The following TAFA2 variants were observed in gnomAD, a reference collection of about 807,000 sequenced individuals.
TAFA2 encodes the protein TAFA chemokine like family member 2.
TAFA2 carries 7 observed loss-of-function variants against 18.8 expected under a neutral mutation model. That is an observed-to-expected ratio of 0.37 (90% CI 0.21 to 0.70). The LOEUF is 0.70. Ranked by LOEUF, TAFA2 falls within the 30% of genes least tolerant of loss-of-function variation. TAFA2 has a pLI of 0.53. For missense variants in TAFA2, 122 were observed against 158.1 expected (o/e 0.77, Z 1.23); for synonymous variants, 60 against 54.2 (o/e 1.11, Z -0.47).
At chr12:62,023,481 G>C (rs1272521976) in intron 1 of TAFA2, among the ~76,000 whole-genome samples, 3 of 151,772 alleles carry the variant, frequency 2.0e-5, no homozygotes, top group African/African-American at 7.3e-5. Flanking sequence ...TGGAAAATTA[G>C]ATAAAATCAG....
At chr12:61,961,222 AG>A (rs138568164) in intron 1 of TAFA2, among the ~76,000 whole-genome samples, 10,342 of 151,964 alleles carry the variant, frequency 0.068, 462 homozygotes, top group Non-Finnish European at 0.1. Context: ...GAAGAACACA[AG>A]GGGGGAAATC....
At chr12:62,070,050 C>T (rs908624409) in intron 1 of TAFA2, among the ~76,000 whole-genome samples, 3 of 152,116 alleles carry the variant, frequency 2.0e-5, no homozygotes, top group African/African-American at 7.2e-5. Flanking sequence ...GACCAGCTCT[C>T]AGCAAGAAAC....
At chr12:62,017,582 G>A (rs2136723398) in intron 1 of TAFA2, among the ~76,000 whole-genome samples, 1 of 152,208 alleles carries the variant, frequency 6.6e-6, no homozygotes, top group South Asian at 2.1e-4. Context: ...GCCACGTGGT[G>A]AAATATTTTT....
chr12:61,748,621 C>T (rs1417704833), intron 4 of TAFA2, among the ~76,000 whole-genome samples: 1 of 152,106 alleles, frequency 6.6e-6, no homozygotes, highest in African/African-American at 2.4e-5. Flanking sequence ...AGCAGAGTCA[C>T]TGAGATTTGG....
At chr12:61,731,943 G>A (rs1870470225) in intron 4 of TAFA2, among the ~76,000 whole-genome samples, 1 of 152,074 alleles carries the variant, frequency 6.6e-6, no homozygotes, top group Non-Finnish European at 1.5e-5. Context: ...TCCTAGGTGT[G>A]AAGAAAAAGA....
chr12:61,926,980 C>T (rs1170113224), intron 1 of TAFA2, among the ~76,000 whole-genome samples: 1 of 145,558 alleles, frequency 6.9e-6, no homozygotes, highest in Non-Finnish European at 1.5e-5. Flanking sequence ...GAGGCTGAGG[C>T]AGGAGAATTG....
chr12:61,885,157 A>G (rs1875319388), intron 1 of TAFA2, among the ~76,000 whole-genome samples: 1 of 152,204 alleles, frequency 6.6e-6, no homozygotes, highest in African/African-American at 2.4e-5. Flanking sequence ...GGATGAAGTG[A>G]CTTGCTCAGT....
At position 61,762,845 on chromosome 12, in the gene TAFA2, T is replaced by C. The variant is rs117923332; in HGVS notation, c.107-7821A>G. 4.3e-3 allele frequency among the ~76,000 whole-genome samples: 660 copies of C among 152,168 alleles called. 4 individuals are homozygous for C. The highest frequency in any genetic ancestry group is 7.8e-3 in the Non-Finnish European group (531 of 67,984). ...TTATGAAATTTTGTTTGTCTCTATA[T>C]ACTCCTATTTAATAGTTTACCCAGC... On this transcript the variant is annotated intron_variant, in intron 2 of 4. Coordinates refer to ENST00000416284, the MANE Select transcript of TAFA2 (RefSeq NM_178539.5).
intron 1 of TAFA2, among the ~76,000 whole-genome samples, chr12:62,213,959 G>A (rs916036525): frequency 6.6e-6 from 1 of 152,146 alleles, no homozygotes; most frequent in Non-Finnish European, 1.5e-5. Context: ...TAAACACAGA[G>A]ATATCGAATC....
chr12:61,900,766 T>C lies in TAFA2; in HGVS notation c.-1-33340A>G, dbSNP rs561924138. 5.3e-5 allele frequency among the ~76,000 whole-genome samples: 8 copies of C among 152,266 alleles called. No individual in the cohort carries two copies. In the South Asian group the frequency reaches 1.7e-3, roughly 32 times the overall value. ...TGGGTGGGGATATAGCCAAACCATA[T>C]CAAGTGGGTATAAAATGATATCCAT... On this transcript the variant is annotated intron_variant, in intron 1 of 4. Coordinates refer to ENST00000416284, the MANE Select transcript of TAFA2 (RefSeq NM_178539.5).
intron 1 of TAFA2, among the ~76,000 whole-genome samples, chr12:62,198,865 G>T (rs1405468381): frequency 6.6e-6 from 1 of 152,070 alleles, no homozygotes; most frequent in South Asian, 2.1e-4. Context: ...AACCAAACAG[G>T]CCAACTGAAT....
intron 1 of TAFA2, among the ~76,000 whole-genome samples, chr12:62,250,166 CTT>C (rs780508217): frequency 1.3e-5 from 2 of 152,146 alleles, no homozygotes; most frequent in African/African-American, 2.4e-5. Flanking sequence ...AAAAATAACT[CTT>C]TATTTCCCTT....
intron 1 of TAFA2, among the ~76,000 whole-genome samples, chr12:61,928,660 A>G (rs1877414756): frequency 6.6e-6 from 1 of 152,216 alleles, no homozygotes; most frequent in Non-Finnish European, 1.5e-5. Flanking sequence ...CAATCCCATT[A>G]CTGGGTACAT....
At chr12:61,777,146 A>G (rs1870298820) in intron 2 of TAFA2, among the ~76,000 whole-genome samples, 1 of 151,918 alleles carries the variant, frequency 6.6e-6, no homozygotes, top group South Asian at 2.1e-4. Flanking sequence ...AACATCCAGC[A>G]AAACCAATTA....
chr12:61,893,195 G>A (rs1875706483), intron 1 of TAFA2, among the ~76,000 whole-genome samples: 1 of 152,180 alleles, frequency 6.6e-6, no homozygotes, highest in Non-Finnish European at 1.5e-5. Flanking sequence ...TTTTGACTAT[G>A]GCTTAGGGGT....
intron 4 of TAFA2, among the ~76,000 whole-genome samples, chr12:61,721,170 T>C (rs1869880408): frequency 6.6e-6 from 1 of 152,068 alleles, no homozygotes; most frequent in Non-Finnish European, 1.5e-5. Flanking sequence ...AAACAGTTTT[T>C]ACAAGAAATT....
chr12:61,722,906 A>G (rs1869972053), intron 4 of TAFA2, among the ~76,000 whole-genome samples: 1 of 152,144 alleles, frequency 6.6e-6, no homozygotes, highest in South Asian at 2.1e-4. Context: ...AGAAAAATCT[A>G]TAATACTATC....
At chr12:62,140,229 A>G (rs1321528724) in intron 1 of TAFA2, 3 of 152,152 alleles carry the variant, frequency 2.0e-5, no homozygotes. Context: ...TCTGCAAGTT[A>G]TAAGTGGTTT....
At chr12:62,201,556 G>T (rs542217184) in intron 1 of TAFA2, among the ~76,000 whole-genome samples, 2 of 152,328 alleles carry the variant, frequency 1.3e-5, no homozygotes, top group East Asian at 1.9e-4. Context: ...ATTTGCATAT[G>T]TTGAACCAGC....
Sources: gnomAD v4.1 joint callset for allele counts (sites outside exome capture counted in the v4.1 genomes callset) on GRCh38, gnomAD v4.1.1 for gene constraint, MANE v1.5 for transcripts, NCBI Gene and HGNC (gene_info 2026-07-23, HGNC 2026-07-21) for gene names.